GATM: variants seen among roughly 807,000 people sequenced by gnomAD.
GATM encodes glycine amidinotransferase, mitochondrial.
A neutral mutation model predicts 54.2 loss-of-function variants in GATM; 23 were observed. The ratio of observed to expected loss-of-function variants is 0.42; its 90% CI spans 0.31 to 0.60. The LOEUF is 0.60. GATM is among the 20% of genes least tolerant of loss of function. The pLI is 0.14. For missense variants in GATM, 401 were observed against 544.9 expected, an observed-to-expected ratio of 0.74 and a Z score of 2.63; for synonymous variants, 168 against 183.1, an observed-to-expected ratio of 0.92 and a Z score of 0.67.
chr15:45,367,992 A>T, intron 4 of GATM, 78 bp downstream of exon 4: 6 of 1,238,898 alleles, frequency 4.8e-6, no homozygotes, highest in Non-Finnish European at 7.1e-6. Flanking sequence ...TATACAAGGT[A>T]TCAGAGAATC....
rs2140645994 is a variant in GATM at position 45,368,909 on chromosome 15, AT to A, written c.484+416del. Among the ~76,000 whole-genome samples, 1 of 152,316 alleles carries A rather than the reference AT, an allele frequency of 6.6e-6. No homozygotes were observed. The highest frequency in any genetic ancestry group is 2.4e-5 in the African/African-American group (1 of 41,580). On this transcript the variant is annotated intron_variant, in intron 3 of 8. Transcript: ENST00000396659. The surrounding 1 kb of genome is among the most constrained non-coding windows in gnomAD (Gnocchi z 5.1). ...CTTAAAGGACTATCGGTATCACAAG[AT>A]AAAAATTGAGCCAAGGATCAATCTA...
Position 45,368,299 on chromosome 15 carries a change from T to C in GATM, c.485-39A>G, listed in dbSNP as rs1284845888. 6.3e-7 allele frequency: 1 copy of C among 1,591,388 alleles called. No homozygotes were observed. The highest frequency in any genetic ancestry group is 1.7e-5 in the Admixed American group (1 of 59,578). ...AAATTCCATGACAACTTCAGTAGTG[T>C]TAATTTCCAAGACAAAAAAGGTCTA... On this transcript the variant is annotated intron_variant, in intron 3 of 8. Transcript: ENST00000396659. This position sits in a 1 kb window ranked among gnomAD's most constrained non-coding sequence, Gnocchi z 5.1.
intron 3 of GATM, among the ~76,000 whole-genome samples, chr15:45,389,094 G>A (rs1242777373): frequency 1.3e-5 from 2 of 152,140 alleles, no homozygotes; most frequent in Non-Finnish European, 1.5e-5. Context: ...CCTCCTTAGG[G>A]GATATCATCA....
chr15:45,376,063 T>C (rs1889626910), intron 2 of GATM, among the ~76,000 whole-genome samples: 1 of 152,142 alleles, frequency 6.6e-6, no homozygotes, highest in African/African-American at 2.4e-5. Flanking sequence ...ATGATTCTTT[T>C]GTGTTTTAGC....
chr15:45,366,335 A>C (rs1373110252), intron 5 of GATM, 36 bp downstream of exon 5: 2 of 1,613,184 alleles, frequency 1.2e-6, no homozygotes, highest in Non-Finnish European at 1.7e-6. Context: ...GAATACAATA[A>C]TATAGTGTGA....
At chr15:45,366,302 A>G in intron 5 of GATM, 69 bp downstream of exon 5, 1 of 1,607,606 alleles carries the variant, frequency 6.2e-7, no homozygotes, top group East Asian at 2.2e-5. Context: ...TTTAGGATGA[A>G]AATATTTTAA....
chr15:45,377,932 A>G (rs539785946), intron 1 of GATM: 2 of 155,848 alleles, frequency 1.3e-5, no homozygotes, highest in Admixed American at 6.5e-5. Flanking sequence ...TCTACCCCAC[A>G]CGCATTTTCC....
intron 6 of GATM, 139 bp downstream of exon 6, chr15:45,365,907 T>G: frequency 2.5e-6 from 2 of 786,490 alleles, no homozygotes; most frequent in Non-Finnish European, 4.4e-6. Context: ...GAATCCAATG[T>G]TTGATCATAA....
chr15:45,387,873 T>C (rs1889821276), intron 3 of GATM, among the ~76,000 whole-genome samples: 1 of 152,194 alleles, frequency 6.6e-6, no homozygotes, highest in South Asian at 2.1e-4. Context: ...CTCAGTGCAA[T>C]TCTTTTTTCA....
intron 2 of GATM, among the ~76,000 whole-genome samples, chr15:45,398,666 A>T (rs778946436): frequency 4.6e-5 from 7 of 152,242 alleles, no homozygotes; most frequent in Non-Finnish European, 8.8e-5. Flanking sequence ...TGTTGAGATG[A>T]AAGTGTTTGC....
At chr15:45,390,180 C>T (rs537103832) in intron 3 of GATM, among the ~76,000 whole-genome samples, 68 of 152,166 alleles carry the variant, frequency 4.5e-4, no homozygotes, top group Non-Finnish European at 9.3e-4. Context: ...CAACCTCCCA[C>T]GTGATACCCA....
In GATM at chr15:45,361,722, C is replaced by T; in HGVS notation, c.*387G>A. On this transcript the variant is annotated 3_prime_UTR_variant, in exon 9 of 9. Transcript: ENST00000396659. ...TCTCTCATTTAGAGAAAAACATTCT[C>T]AAGTCTATAGAAGAGGAAAAAAAAT... The T allele has an allele frequency of 2.2e-6, 1 of 446,654 alleles. No homozygotes were observed. Among genetic ancestry groups the T allele is most frequent in the African/African-American group, 2.0e-5 (1 of 49,640 alleles). 27.7% of individuals were successfully genotyped at this position (446,654 alleles called of 1,614,324 possible). A position where few individuals can be genotyped will look rare whatever the true frequency, so the allele number is the denominator to read the frequency against.
chr15:45,382,376 A>T (rs1277660022), upstream of GATM, among the ~76,000 whole-genome samples: 1 of 152,164 alleles, frequency 6.6e-6, no homozygotes, highest in Non-Finnish European at 1.5e-5. Context: ...TTAAATCAGT[A>T]TTCTGCTGGG....
At chr15:45,369,706 A>AT (rs1889508189) in intron 2 of GATM, 185 bp from the exon 3 acceptor site, 18 of 619,744 alleles carry the variant, frequency 2.9e-5, no homozygotes, top group Non-Finnish European at 5.2e-5. Context: ...TATCTGTTGA[A>AT]TGAAGAACTC....
chr15:45,365,903 A>G, intron 6 of GATM, 143 bp downstream of exon 6: 1 of 765,204 alleles, frequency 1.3e-6, no homozygotes, highest in Non-Finnish European at 2.3e-6. Context: ...TAAGGAATCC[A>G]ATGTTTGATC....
chr15:45,381,357 A>G (rs1321146265), upstream of GATM, among the ~76,000 whole-genome samples: 1 of 152,224 alleles, frequency 6.6e-6, no homozygotes, highest in Non-Finnish European at 1.5e-5. Flanking sequence ...AATAGAAAAC[A>G]TACCAGAAGC....
intron 3 of GATM, among the ~76,000 whole-genome samples, chr15:45,389,805 G>A (rs1041510915): frequency 6.6e-6 from 1 of 151,994 alleles, no homozygotes; most frequent in African/African-American, 2.4e-5. Context: ...CTTGTTAAAA[G>A]GCAAATTCTG....
intron 2 of GATM, among the ~76,000 whole-genome samples, chr15:45,373,981 T>G (rs1158602876): frequency 6.6e-6 from 1 of 152,254 alleles, no homozygotes; most frequent in Non-Finnish European, 1.5e-5. Flanking sequence ...AAAGTACCTT[T>G]GGAATGTAAT....
chr15:45,370,995 A>G (rs1153854), intron 2 of GATM, among the ~76,000 whole-genome samples: 70,240 of 152,072 alleles, frequency 0.46, 20,538 homozygotes, highest in East Asian at 0.83. Flanking sequence ...GGCTGGTCTC[A>G]ATCTCCTGAC....
Sources: allele counts gnomAD v4.1 joint callset (sites outside exome capture counted in the v4.1 genomes callset), GRCh38; gene constraint gnomAD v4.1.1; non-coding constraint Gnocchi (gnomAD v3.1); transcripts MANE v1.5; gene names NCBI Gene and HGNC (gene_info 2026-07-23, HGNC 2026-07-21).